The following ZNF236 variants were observed in gnomAD, a reference collection of about 807,000 sequenced individuals.
ZNF236 encodes regulated by glucose.
Under a neutral mutation model 191.2 loss-of-function variants are expected in ZNF236, and 50 were observed. That is an observed-to-expected ratio of 0.26 (90% CI 0.21 to 0.33). The LOEUF (loss-of-function observed/expected upper bound fraction) is 0.33. Among genes scored for constraint, ZNF236 ranks in the 10% least tolerant of loss-of-function variants. ZNF236 has a pLI of 1.00. For synonymous variants in ZNF236, 907 were observed against 928.8 expected (o/e 0.98, Z 0.43); for missense variants, 1,754 against 2,374.5 (o/e 0.74, Z 5.43).
chr18:76,960,003 G>A lies in ZNF236; in HGVS notation c.5242+187G>A, dbSNP rs931134025. 3.3e-5 allele frequency among the ~76,000 whole-genome samples: 5 copies of A among 152,294 alleles called. No homozygotes were observed. The East Asian group carries it at 9.7e-4, about 29-fold the overall frequency. On this transcript the variant is annotated intron_variant, in intron 29 of 30. Transcript: ENST00000320610. The surrounding 1 kb of genome is among the most constrained non-coding windows in gnomAD (Gnocchi z 4.4). ...GTCATAACTAACTTTTCACATGGAA[G>A]ATTTTGCTGCTTACATTATGACCAT...
intron 3 of ZNF236, among the ~76,000 whole-genome samples, chr18:76,858,706 G>T: frequency 7.3e-6 from 1 of 136,510 alleles, no homozygotes; most frequent in Non-Finnish European, 1.6e-5. Context: ...GAGGAAGGGG[G>T]AGAGGGCTCA....
rs572137074 is a variant in ZNF236, at chr18:76,971,391, T to C, written c.*3052T>C. 6.6e-6 allele frequency among the ~76,000 whole-genome samples: 1 copy of C among 152,308 alleles called. No individual in the cohort carries two copies. Among genetic ancestry groups the C allele is most frequent in the South Asian group, 2.1e-4 (1 of 4,820 alleles). On this transcript the variant is annotated 3_prime_UTR_variant, in exon 31 of 31. Transcript: ENST00000320610. Reference sequence around the variant, plus strand: ...ATCTGACAGCTTGCAGCCAGGTCAGTGGGAGGCTCATCAAATGCCACTCTC... The same window carrying C: ...ATCTGACAGCTTGCAGCCAGGTCAGCGGGAGGCTCATCAAATGCCACTCTC...
At chr18:76,837,164 G>A (rs371859173) in intron 1 of ZNF236, among the ~76,000 whole-genome samples, 41 of 119,670 alleles carry the variant, frequency 3.4e-4, no homozygotes, top group African/African-American at 1.3e-3. Context: ...CCAAAGTGCT[G>A]GAATTACAGG....
At chr18:76,865,604 G>C (rs548544352) in intron 3 of ZNF236, among the ~76,000 whole-genome samples, 1 of 152,324 alleles carries the variant, frequency 6.6e-6, no homozygotes, top group African/African-American at 2.4e-5. Context: ...CTTCAGTGAG[G>C]TTGAAGATGA....
Position 76,849,615 on chromosome 18 carries a change from C to A in ZNF236, c.145C>A (p.Pro49Thr). The change falls in exon 2 of 31, where the codon CCA becomes ACA. Residue 49 changes from proline (P) to threonine (T), a missense_variant. Transcript: ENST00000320610. ...HKCEICLLSF[P>T]KESQFQRHMR... ...ATGTGAAATCTGTCTACTATCTTTT[C>A]CAAAAGAATCCCAGTTTCAACGCCA... 2 of 1,609,550 alleles carry A rather than the reference C, an allele frequency of 1.2e-6. No homozygotes were observed. The highest frequency in any genetic ancestry group is 1.7e-6 in the Non-Finnish European group (2 of 1,178,824).
intron 15 of ZNF236, 93 bp downstream of exon 15, chr18:76,910,262 C>A: frequency 1.8e-6 from 2 of 1,082,928 alleles, no homozygotes; most frequent in Non-Finnish European, 2.7e-6. Flanking sequence ...TCTTAAGGCC[C>A]TTCTAAAGTG....
intron 27 of ZNF236, among the ~76,000 whole-genome samples, chr18:76,950,910 A>T (rs1968391701): frequency 6.6e-6 from 1 of 152,218 alleles, no homozygotes; most frequent in South Asian, 2.1e-4. Context: ...ATGTTAGCAG[A>T]CATGAAAGCA....
At chr18:76,948,046 A>C (rs932908598) in intron 27 of ZNF236, among the ~76,000 whole-genome samples, 1 of 152,122 alleles carries the variant, frequency 6.6e-6, no homozygotes, top group Non-Finnish European at 1.5e-5. Context: ...GATTCTGTTA[A>C]GTGTCATACA....
chr18:76,917,483 C>T (rs1439739752), intron 19 of ZNF236, among the ~76,000 whole-genome samples: 1 of 152,142 alleles, frequency 6.6e-6, no homozygotes, highest in Non-Finnish European at 1.5e-5. Context: ...CCTTGTATGC[C>T]TTGTTTTCCT....
At position 76,960,628 on chromosome 18, in the gene ZNF236, C is replaced by A. The variant is rs779547193; in HGVS notation, c.5243-51C>A. On this transcript the variant is annotated intron_variant, in intron 29 of 30. Transcript: ENST00000320610. The surrounding 1 kb of genome is among the most constrained non-coding windows in gnomAD (Gnocchi z 4.4). ...TTCATACCTCAGGGTAGAGCCCAGG[C>A]ATCCACTATACTTTTCTTAGAGACA... The A allele has an allele frequency of 6.2e-7, 1 of 1,602,802 alleles. No individual in the cohort carries two copies. The highest frequency in any genetic ancestry group is 8.5e-7 in the Non-Finnish European group (1 of 1,170,312).
At chr18:76,860,486 G>T (rs553592337) in intron 3 of ZNF236, among the ~76,000 whole-genome samples, 3 of 152,090 alleles carry the variant, frequency 2.0e-5, no homozygotes, top group Non-Finnish European at 2.9e-5. Flanking sequence ...CCTTCCCTTC[G>T]TCCTGTTTTC....
Position 76,972,748 on chromosome 18 carries a change from AATT to A in ZNF236, c.*4410_*4412del, listed in dbSNP as rs1297229399. On this transcript the variant is annotated 3_prime_UTR_variant, in exon 31 of 31. Coordinates refer to ENST00000320610, the MANE Select transcript of ZNF236 (RefSeq NM_001306089.2). The stretch of plus-strand genomic sequence containing the variant: ...AGTTAATTTTTTTTAATTACAGAAG[AATT>A]CTCTTTTTATCTTCACAATTGTTTC... Among the ~76,000 whole-genome samples the A allele has an allele frequency of 6.6e-6, 1 of 152,142 alleles. No homozygotes were observed. Among genetic ancestry groups the A allele is most frequent in the African/African-American group, 2.4e-5 (1 of 41,432 alleles).
intron 5 of ZNF236, among the ~76,000 whole-genome samples, chr18:76,873,526 T>C (rs1010870347): frequency 6.6e-6 from 1 of 151,908 alleles, no homozygotes; most frequent in African/African-American, 2.4e-5. Context: ...CGGGCCCGGG[T>C]GGAGGTGGCA....
chr18:76,838,068 G>A (rs1455090294), intron 1 of ZNF236, among the ~76,000 whole-genome samples: 2 of 152,184 alleles, frequency 1.3e-5, no homozygotes, highest in Non-Finnish European at 2.9e-5. Flanking sequence ...CCTTTGCATT[G>A]TTGGGCAGCA....
intron 9 of ZNF236, chr18:76,885,942 T>A (rs1977037503): frequency 6.6e-6 from 1 of 152,424 alleles, no homozygotes; most frequent in South Asian, 2.1e-4. Context: ...TGCTCGCTGC[T>A]CTGGCAAGTC....
intron 13 of ZNF236, among the ~76,000 whole-genome samples, chr18:76,905,985 G>C (rs905382757): frequency 1.1e-4 from 17 of 152,156 alleles, no homozygotes; most frequent in African/African-American, 3.9e-4. Context: ...GAGTATTTCT[G>C]TGAAGCCACA....
chr18:76,925,037 T>C lies in ZNF236; in HGVS notation c.3662-152T>C. On this transcript the variant is annotated intron_variant, in intron 21 of 30. Transcript: ENST00000320610. This position sits in a 1 kb window ranked among gnomAD's most constrained non-coding sequence, Gnocchi z 5.7. ...AATACTGCAGCAATTGCCTGTGACGTCCGTAACATCTTATAGGTGAAAGGG... is the reference window on the plus strand; with the variant it reads ...AATACTGCAGCAATTGCCTGTGACGCCCGTAACATCTTATAGGTGAAAGGG... The C allele has an allele frequency of 8.3e-7, 1 of 1,201,944 alleles. No homozygotes were observed. The allele number at this position is 1,201,944 out of a possible 1,614,324, so 74.5% of individuals were successfully genotyped here. A position where few individuals can be genotyped will look rare whatever the true frequency, so the allele number is the denominator to read the frequency against.
rs185393663 is a variant in ZNF236, at chr18:76,900,803, T to C, written c.1894+1581T>C. Among the ~76,000 whole-genome samples the C allele has an allele frequency of 1.0e-3, 156 of 152,310 alleles. 1 individual carries two copies. The highest frequency in any genetic ancestry group is 3.2e-3 in the African/African-American group (134 of 41,572). The stretch of plus-strand genomic sequence containing the variant: ...AGAAAGTAGCAGAAAGGAATTAATA[T>C]AGCAGTTCCCAACCTTTTTGTCATC... On this transcript the variant is annotated intron_variant, in intron 11 of 30. Transcript: ENST00000320610.
rs186437726 is a variant in ZNF236 at position 76,918,436 on chromosome 18, C to A, written c.3275-1340C>A. Among the ~76,000 whole-genome samples the A allele has an allele frequency of 7.2e-5, 11 of 152,212 alleles. No individual in the cohort carries two copies. The East Asian group carries it at 2.1e-3, about 29-fold the overall frequency. Reference sequence around the variant, plus strand: ...AATGCTATGTAAATAGTTTGGGGTTCTTTTGAGAAACAGGGTCTCACTCTG... The same window carrying A: ...AATGCTATGTAAATAGTTTGGGGTTATTTTGAGAAACAGGGTCTCACTCTG... On this transcript the variant is annotated intron_variant, in intron 19 of 30. Transcript: ENST00000320610.
Sources: gnomAD v4.1 joint callset for allele counts (sites outside exome capture counted in the v4.1 genomes callset) on GRCh38, gnomAD v4.1.1 for gene constraint, Gnocchi (gnomAD v3.1) non-coding constraint, MANE v1.5 for transcripts, NCBI Gene and HGNC (gene_info 2026-07-23, HGNC 2026-07-21) for gene names.